ERAP1: variants seen among roughly 807,000 people sequenced by gnomAD.
ERAP1 encodes the protein endoplasmic reticulum aminopeptidase 1, also known as adipocyte-derived leucine aminopeptidase.
Under a neutral mutation model 103.7 loss-of-function variants are expected in ERAP1, and 86 were observed. The ratio of observed to expected loss-of-function variants is 0.83; its 90% CI spans 0.70 to 0.99. ERAP1 has a LOEUF of 0.99. Among genes scored for constraint, ERAP1 ranks in the 50% least tolerant of loss-of-function variants. The probability of loss-of-function intolerance (pLI) is 0.00; values close to 1 mark genes in which losing one functional copy is unlikely to be tolerated. For synonymous variants in ERAP1, 398 were observed against 402.4 expected (o/e 0.99, Z 0.13); for missense variants, 1,009 against 1,128.4 (o/e 0.89, Z 1.52).
the ERAP1 span, among the ~76,000 whole-genome samples, chr5:96,906,561 C>T: frequency 1.3e-5 from 2 of 152,150 alleles, no homozygotes; most frequent in Non-Finnish European, 2.9e-5. Flanking sequence ...AGCCACTGCA[C>T]CCAGAATGGA....
At chr5:96,906,631 G>A in the ERAP1 span, among the ~76,000 whole-genome samples, 1 of 152,198 alleles carries the variant, frequency 6.6e-6, no homozygotes, top group African/African-American at 2.4e-5. Flanking sequence ...CATTTTAAAT[G>A]TAATTTAAAG....
Position 96,803,391 on chromosome 5 carries a change from A to G in ERAP1, c.524+12T>C, listed in dbSNP as rs1778201254. 11 of 1,592,342 alleles carry G rather than the reference A, an allele frequency of 6.9e-6. No homozygotes were observed. The East Asian group carries it at 1.8e-4, about 26-fold the overall frequency. ...CACTTGCAGTTTAAAAGAAAAAGAGAAAAAAAAATACCTCAGTTCCCCTTC... is the reference window on the plus strand; with the variant it reads ...CACTTGCAGTTTAAAAGAAAAAGAGGAAAAAAAATACCTCAGTTCCCCTTC... On this transcript the variant is annotated intron_variant, in intron 2 of 18. Coordinates refer to ENST00000443439, the MANE Select transcript of ERAP1 (RefSeq NM_001040458.3).
At chr5:96,797,042 G>C in intron 4 of ERAP1, 133 bp downstream of exon 4, 1 of 1,013,006 alleles carries the variant, frequency 9.9e-7, no homozygotes, top group Middle Eastern at 2.0e-4. Context: ...TTCCACCTCA[G>C]CCTCCCAAAC....
At chr5:96,784,637 G>C (rs970435004) in intron 13 of ERAP1, 2 of 160,048 alleles carry the variant, frequency 1.2e-5, no homozygotes, top group Non-Finnish European at 2.8e-5. Flanking sequence ...AAGCACATCA[G>C]CATCTATCCC....
At chr5:96,844,059 C>T in the ERAP1 span, among the ~76,000 whole-genome samples, 1 of 152,172 alleles carries the variant, frequency 6.6e-6, no homozygotes, top group East Asian at 1.9e-4. Flanking sequence ...CCTGAACTGC[C>T]TAATTCTCCT....
chr5:96,911,966 G>A, the ERAP1 span, among the ~76,000 whole-genome samples: 2 of 150,350 alleles, frequency 1.3e-5, no homozygotes, highest in African/African-American at 4.9e-5. Context: ...GAGGCGGGCG[G>A]ATCACGAGGT....
chr5:96,887,653 A>G, the ERAP1 span, among the ~76,000 whole-genome samples: 2 of 152,192 alleles, frequency 1.3e-5, no homozygotes, highest in African/African-American at 2.4e-5. Context: ...GATCTTTATA[A>G]TTTTTAGAGT....
At chr5:96,819,243 A>T in the ERAP1 span, among the ~76,000 whole-genome samples, 1 of 152,176 alleles carries the variant, frequency 6.6e-6, no homozygotes, top group Non-Finnish European at 1.5e-5. Context: ...TTTTCTAACC[A>T]ACTGACTTTA....
chr5:96,796,565 G>A (rs73144482), intron 4 of ERAP1, among the ~76,000 whole-genome samples: 2,609 of 152,290 alleles, frequency 0.017, 72 homozygotes, highest in African/African-American at 0.059. Context: ...TTCCAAAGAA[G>A]TAAATACTAA....
chr5:96,930,811 G>T, the ERAP1 span, among the ~76,000 whole-genome samples: 7 of 152,192 alleles, frequency 4.6e-5, no homozygotes, highest in Non-Finnish European at 8.8e-5. Context: ...AGATTGATGT[G>T]AGGCCAAAAC....
chr5:96,848,049 C>T, the ERAP1 span, among the ~76,000 whole-genome samples: 7,257 of 151,466 alleles, frequency 0.048, 213 homozygotes, highest in South Asian at 0.11. Context: ...TTTTGTTTTG[C>T]TTTGTTTTTG....
At chr5:96,914,094 G>A in the ERAP1 span, among the ~76,000 whole-genome samples, 11 of 151,596 alleles carry the variant, frequency 7.3e-5, no homozygotes, top group Non-Finnish European at 1.3e-4. Context: ...ATTAGATTTT[G>A]TTGGAATGGA....
At chr5:96,867,329 GC>G in the ERAP1 span, among the ~76,000 whole-genome samples, 1 of 151,980 alleles carries the variant, frequency 6.6e-6, no homozygotes, top group Admixed American at 6.6e-5. Context: ...TATACCCTGT[GC>G]TTTAGTTATG....
At chr5:96,889,906 A>G in the ERAP1 span, among the ~76,000 whole-genome samples, 2 of 152,126 alleles carry the variant, frequency 1.3e-5, no homozygotes, top group African/African-American at 2.4e-5. Flanking sequence ...AGGAATCACC[A>G]TACCTTATTT....
the ERAP1 span, chr5:96,913,195 T>A: frequency 5.6e-6 from 4 of 714,288 alleles, no homozygotes; most frequent in Non-Finnish European, 8.8e-6. Flanking sequence ...CATTAAAAAA[T>A]TGGTAATTAT....
At chr5:96,781,299 G>C in intron 16 of ERAP1, 101 bp from the exon 17 acceptor site, 1 of 1,234,678 alleles carries the variant, frequency 8.1e-7, no homozygotes. Context: ...AAGTCTGCCA[G>C]TAACAAAGGT....
downstream of ERAP1, chr5:96,770,214 C>A (rs1771764283): frequency 3.2e-6 from 1 of 314,908 alleles, no homozygotes; most frequent in Admixed American, 4.1e-5. Flanking sequence ...TTTCTCCACA[C>A]CCTTGCCGAC....
chr5:96,765,352 A>C, intron 19 of ERAP1: 1 of 780,414 alleles, frequency 1.3e-6, no homozygotes. Context: ...AAAAAAAAAA[A>C]ATTCACTAAT....
rs1472279577 is a variant in ERAP1, at chr5:96,787,224, A to G, written c.1680-675T>C. ...ATAAAGTTTATTTCCCAATTTTGAT[A>G]ATTGTACTGTGGCTATGGTTATATA... On this transcript the variant is annotated intron_variant, in intron 11 of 18. Transcript: ENST00000443439. 2.6e-5 allele frequency among the ~76,000 whole-genome samples: 4 copies of G among 152,244 alleles called. No homozygotes were observed. In the East Asian group the frequency reaches 5.8e-4, roughly 22 times the overall value.
Sources: allele counts gnomAD v4.1 joint callset (sites outside exome capture counted in the v4.1 genomes callset), GRCh38; gene constraint gnomAD v4.1.1; transcripts MANE v1.5; gene names NCBI Gene and HGNC (gene_info 2026-07-23, HGNC 2026-07-21).